The following NAV2 variants were observed in gnomAD, a reference collection of about 807,000 sequenced individuals.
NAV2 encodes the protein neuron navigator 2, also known as helicase, APC down-regulated 1.
In NAV2, 54 loss-of-function variants were observed where a neutral mutation model predicts 223.2. The observed-to-expected ratio is 0.24, with a 90% confidence interval of 0.19 to 0.30. The LOEUF (loss-of-function observed/expected upper bound fraction) is 0.30, where lower values mean the gene tolerates loss of function less well. NAV2 is among the 10% of genes least tolerant of loss of function. The probability of loss-of-function intolerance (pLI) is 1.00; values close to 1 mark genes in which losing one functional copy is unlikely to be tolerated. For missense variants in NAV2, 2,806 were observed against 3,147.5 expected (o/e 0.89, Z 2.60); for synonymous variants, 1,279 against 1,239.3 (o/e 1.03, Z -0.67).
At chr11:19,764,870 G>A (rs972396982) in intron 1 of NAV2, among the ~76,000 whole-genome samples, 2 of 152,154 alleles carry the variant, frequency 1.3e-5, no homozygotes. Context: ...CTGCCCAGTT[G>A]TTCAAACTAA....
Position 19,790,629 on chromosome 11 carries a change from T to G in NAV2, c.268-41855T>G, listed in dbSNP as rs138233630. The stretch of plus-strand genomic sequence containing the variant: ...GTCTGAGACTATGATTCCTCCTCTG[T>G]AAGAGTAACTCTGGTTCATCAGAAT... On this transcript the variant is annotated intron_variant, in intron 1 of 37. Coordinates refer to ENST00000349880, the MANE Select transcript of NAV2 (RefSeq NM_145117.5). Among the ~76,000 whole-genome samples, 534 of 152,348 alleles carry G rather than the reference T, an allele frequency of 3.5e-3. 8 individuals carry two copies. The highest frequency in any genetic ancestry group is 0.033 in the South Asian group (160 of 4,828).
Position 19,823,682 on chromosome 11 carries a change from G to A in NAV2, c.268-8802G>A, listed in dbSNP as rs141273846. Among the ~76,000 whole-genome samples the A allele has an allele frequency of 9.7e-4, 148 of 152,254 alleles. 1 individual carries two copies. The highest frequency in any genetic ancestry group is 3.3e-3 in the African/African-American group (137 of 41,556). On this transcript the variant is annotated intron_variant, in intron 1 of 37. Coordinates refer to ENST00000349880, the MANE Select transcript of NAV2 (RefSeq NM_145117.5). The stretch of plus-strand genomic sequence containing the variant: ...ACTCTGGGGTCTCTTAAGGAAGGTC[G>A]AGCAACTCAGTAGGTCCTAAGGACA...
intron 1 of NAV2, among the ~76,000 whole-genome samples, chr11:19,800,493 G>A (rs1162461681): frequency 6.6e-6 from 1 of 152,154 alleles, no homozygotes; most frequent in Admixed American, 6.5e-5. Context: ...CCATTTCTAA[G>A]TAGACACCCT....
chr11:19,662,601 T>C (rs2048315147), intron 1 of NAV2, among the ~76,000 whole-genome samples: 1 of 152,268 alleles, frequency 6.6e-6, no homozygotes. Flanking sequence ...GGGGTGACAG[T>C]GTGGCCCTCA....
In NAV2 at chr11:19,986,390, C is replaced by T. The variant is rs552161155; in HGVS notation, c.2768+2143C>T. 1.1e-3 allele frequency among the ~76,000 whole-genome samples: 175 copies of T among 152,242 alleles called. 1 individual carries two copies. Among genetic ancestry groups the T allele is most frequent in the African/African-American group, 4.0e-3 (167 of 41,548 alleles). On this transcript the variant is annotated intron_variant, in intron 11 of 37. Coordinates refer to ENST00000349880, the MANE Select transcript of NAV2 (RefSeq NM_145117.5). ...ATCTCAGCACTTTGGGAGGCCAAGG[C>T]GGGCAGATCACCTGAGGTCAGGAGT...
At chr11:20,101,249 A>G (rs2061614420) in intron 32 of NAV2, 77 bp downstream of exon 32, 1 of 1,145,662 alleles carries the variant, frequency 8.7e-7, no homozygotes. Flanking sequence ...CCTGAAGGGA[A>G]AGCAGCATTT....
chr11:19,441,251 G>T (rs145992827), intron 1 of NAV2, among the ~76,000 whole-genome samples: 1,719 of 152,254 alleles, frequency 0.011, 12 homozygotes, highest in Non-Finnish European at 0.019. Flanking sequence ...GAGATGGATG[G>T]GTCTAGAGCC....
chr11:19,906,408 G>A (rs1303045327), intron 6 of NAV2, among the ~76,000 whole-genome samples: 3 of 152,184 alleles, frequency 2.0e-5, no homozygotes, highest in Non-Finnish European at 4.4e-5. Flanking sequence ...ACATTGCAAA[G>A]CGTACATGGC....
chr11:19,626,348 G>A (rs947587794), intron 1 of NAV2, among the ~76,000 whole-genome samples: 1 of 152,106 alleles, frequency 6.6e-6, no homozygotes, highest in Non-Finnish European at 1.5e-5. Flanking sequence ...AGATATGTGG[G>A]TTAATTTCTG....
At chr11:19,653,666 G>C (rs1474520825) in intron 1 of NAV2, among the ~76,000 whole-genome samples, 1 of 152,086 alleles carries the variant, frequency 6.6e-6, no homozygotes, top group African/African-American at 2.4e-5. Context: ...ACATTTATTG[G>C]GTGCTTACTA....
chr11:19,858,872 A>G (rs1259387328), intron 3 of NAV2, among the ~76,000 whole-genome samples: 1 of 152,240 alleles, frequency 6.6e-6, no homozygotes, highest in East Asian at 1.9e-4. Flanking sequence ...TTTCACTTTC[A>G]GGAAATGCCG....
chr11:19,626,692 C>T (rs1476638730), intron 1 of NAV2, among the ~76,000 whole-genome samples: 2 of 152,088 alleles, frequency 1.3e-5, no homozygotes, highest in Admixed American at 1.3e-4. Flanking sequence ...TTTGCATCTT[C>T]TTAAATTTCT....
intron 28 of NAV2, 84 bp from the exon 29 acceptor site, chr11:20,093,015 C>T: frequency 3.4e-6 from 2 of 591,706 alleles, no homozygotes; most frequent in Non-Finnish European, 3.0e-6. Flanking sequence ...TGTCCCGCTG[C>T]TGTGCCAACC....
At chr11:19,464,705 G>A (rs1852288401) in intron 1 of NAV2, among the ~76,000 whole-genome samples, 1 of 152,222 alleles carries the variant, frequency 6.6e-6, no homozygotes, top group Admixed American at 6.5e-5. Flanking sequence ...TCAGAGGGAT[G>A]TGCCTTGTTA....
At chr11:19,647,021 T>G (rs1025031630) in intron 1 of NAV2, among the ~76,000 whole-genome samples, 1 of 151,892 alleles carries the variant, frequency 6.6e-6, no homozygotes. Flanking sequence ...TGCCAGCTGT[T>G]CCTGCCACAA....
chr11:19,892,295 C>G (rs1175965642), intron 5 of NAV2, 139 bp from the exon 6 acceptor site: 5 of 762,342 alleles, frequency 6.6e-6, no homozygotes, highest in Non-Finnish European at 9.9e-6. Flanking sequence ...AATGGTTCCA[C>G]CAAATTCTGT....
chr11:19,888,309 C>A (rs1035922796), intron 5 of NAV2, among the ~76,000 whole-genome samples: 1 of 152,120 alleles, frequency 6.6e-6, no homozygotes, highest in African/African-American at 2.4e-5. Flanking sequence ...CTGCCACGCT[C>A]CCCTCTCACC....
At chr11:19,664,999 C>T (rs967226777) in intron 1 of NAV2, among the ~76,000 whole-genome samples, 5 of 152,142 alleles carry the variant, frequency 3.3e-5, no homozygotes, top group Non-Finnish European at 1.5e-5. Context: ...AAGTAGCAGA[C>T]CTGGCATTCA....
intron 1 of NAV2, among the ~76,000 whole-genome samples, chr11:19,730,616 G>C (rs1388813518): frequency 1.3e-5 from 2 of 152,222 alleles, no homozygotes; most frequent in African/African-American, 4.8e-5. Flanking sequence ...ATGGGGAGCA[G>C]CTGGGGTGGG....
Sources: gnomAD v4.1 joint callset for allele counts (sites outside exome capture counted in the v4.1 genomes callset) on GRCh38, gnomAD v4.1.1 for gene constraint, MANE v1.5 for transcripts, NCBI Gene and HGNC (gene_info 2026-07-23, HGNC 2026-07-21) for gene names.